DYSF: variants seen among roughly 807,000 people sequenced by gnomAD.
DYSF encodes the protein dystrophy-associated fer-1-like 1.
In DYSF, 212 loss-of-function variants were observed where a neutral mutation model predicts 274.9. The observed-to-expected ratio is 0.77, with a 90% CI of 0.69 to 0.86. The LOEUF (loss-of-function observed/expected upper bound fraction) is 0.86, where lower values mean the gene tolerates loss of function less well. DYSF is among the 40% of genes least tolerant of loss of function. The probability of loss-of-function intolerance (pLI) is 0.00; values close to 1 mark genes in which losing one functional copy is unlikely to be tolerated. For synonymous variants in DYSF, 1,091 were observed against 1,078.7 expected (o/e 1.01, Z -0.22); for missense variants, 2,666 against 2,783.2 (o/e 0.96, Z 0.95).
intron 40 of DYSF, among the ~76,000 whole-genome samples, chr2:71,619,898 G>A (rs754441550): frequency 1.2e-4 from 18 of 152,186 alleles, no homozygotes; most frequent in Non-Finnish European, 2.4e-4. Context: ...TCACAGTACA[G>A]GGAGATTGAT....
At chr2:71,653,917 AAC>A (rs2094718431) in intron 42 of DYSF, among the ~76,000 whole-genome samples, 1 of 152,036 alleles carries the variant, frequency 6.6e-6, no homozygotes, top group African/African-American at 2.4e-5. Flanking sequence ...ATATAACATA[AAC>A]ACAAACATAA....
chr2:71,567,829 A>G, intron 24 of DYSF, 122 bp from the exon 25 acceptor site: 1 of 1,416,300 alleles, frequency 7.1e-7, no homozygotes, highest in Non-Finnish European at 9.6e-7. Context: ...CACAGGGGAC[A>G]CTCCCAGTGA....
At chr2:71,661,187 A>G (rs2094875204) in intron 45 of DYSF, among the ~76,000 whole-genome samples, 1 of 150,884 alleles carries the variant, frequency 6.6e-6, no homozygotes, top group African/African-American at 2.4e-5. Context: ...GCATTTGCTA[A>G]TTCTTTTTTT....
chr2:71,557,808 G>A (rs958038705), intron 22 of DYSF, among the ~76,000 whole-genome samples: 2 of 152,100 alleles, frequency 1.3e-5, no homozygotes, highest in African/African-American at 4.8e-5. Flanking sequence ...CACTTTGGGA[G>A]ACTGAGGCAG....
rs2086604405 is a variant in DYSF, at chr2:71,515,903, G to A, written c.888+152G>A. 19 of 1,245,740 alleles carry A rather than the reference G, an allele frequency of 1.5e-5. 1 individual carries two copies. The South Asian group carries it at 2.8e-4, about 18-fold the overall frequency. The allele number at this position is 1,245,740 out of a possible 1,614,324, so 77.2% of individuals were successfully genotyped here. ...CTGGCTCCCAAGGAGGTTATCTGTG[G>A]GACTGGAGAAAGGGCTCCTGCTCTT... On this transcript the variant is annotated intron_variant, in intron 8 of 55. Coordinates refer to ENST00000410020, the MANE Select transcript of DYSF (RefSeq NM_001130987.2).
chr2:71,614,951 G>T (rs1349803158), intron 40 of DYSF, among the ~76,000 whole-genome samples: 3 of 152,140 alleles, frequency 2.0e-5, no homozygotes, highest in Non-Finnish European at 2.9e-5. Flanking sequence ...GAATTAGGCA[G>T]ATAATTTGCC....
At chr2:71,622,796 G>A (rs1367687882) in intron 41 of DYSF, among the ~76,000 whole-genome samples, 1 of 151,984 alleles carries the variant, frequency 6.6e-6, no homozygotes. Flanking sequence ...TTGTATTTTT[G>A]TAGAGACAGG....
chr2:71,528,578 C>A lies in DYSF; in HGVS notation c.1380+177C>A, dbSNP rs192689020. On this transcript the variant is annotated intron_variant, in intron 14 of 55. Transcript: ENST00000410020. Reference sequence around the variant, plus strand: ...CATAGGCCCAGCTCTCAGGGACTGCCCCGCACACGAATGTGGACAGGTCTG... The same window carrying A: ...CATAGGCCCAGCTCTCAGGGACTGCACCGCACACGAATGTGGACAGGTCTG... Among the ~76,000 whole-genome samples the A allele has an allele frequency of 2.0e-3, 311 of 152,248 alleles. 2 individuals are homozygous for A. Among genetic ancestry groups the A allele is most frequent in the African/African-American group, 6.9e-3 (287 of 41,530 alleles).
intron 1 of DYSF, among the ~76,000 whole-genome samples, chr2:71,460,280 A>T (rs554831927): frequency 1.3e-5 from 2 of 152,170 alleles, no homozygotes; most frequent in Non-Finnish European, 2.9e-5. Flanking sequence ...CCAGAGGGGA[A>T]AGGGGGCCGG....
chr2:71,526,411 T>TGGGG, intron 13 of DYSF, 65 bp downstream of exon 13: 3 of 306,890 alleles, frequency 9.8e-6, no homozygotes, highest in Non-Finnish European at 1.5e-5. Context: ...CTGGTGGGGG[T>TGGGG]GGGCGATGGC....
chr2:71,548,836 T>A (rs770477091), intron 17 of DYSF, among the ~76,000 whole-genome samples: 6 of 152,066 alleles, frequency 3.9e-5, no homozygotes, highest in Non-Finnish European at 7.4e-5. Flanking sequence ...TAGGTGGAGA[T>A]GTTGTGCCTT....
At position 71,615,479 on chromosome 2, in the gene DYSF, T is replaced by C. The variant is rs1041274552; in HGVS notation, c.4464+2069T>C. 2.6e-5 allele frequency among the ~76,000 whole-genome samples: 4 copies of C among 152,174 alleles called. No individual in the cohort carries two copies. Among genetic ancestry groups the C allele is most frequent in the Admixed American group, 6.5e-5 (1 of 15,288 alleles). ...AGACAAAACTCTGTTCTCAAAAGCC[T>C]CAAACCCAGCAGGGAGACCAGTTCT... On this transcript the variant is annotated intron_variant, in intron 40 of 55. Transcript: ENST00000410020. The surrounding 1 kb of genome is among the most constrained non-coding windows in gnomAD (Gnocchi z 4.9).
In DYSF at chr2:71,532,506, A is replaced by G. The variant is rs531653102; in HGVS notation, c.1381-2515A>G. On this transcript the variant is annotated intron_variant, in intron 14 of 55. Coordinates refer to ENST00000410020, the MANE Select transcript of DYSF (RefSeq NM_001130987.2). ...GCTGAGTGCCTGTGGGTGGAACAGGATGGGGGAAGGCTGGCAGGGATCTCT... is the reference window on the plus strand; with the variant it reads ...GCTGAGTGCCTGTGGGTGGAACAGGGTGGGGGAAGGCTGGCAGGGATCTCT... Among the ~76,000 whole-genome samples, 12 of 152,300 alleles carry G rather than the reference A, an allele frequency of 7.9e-5. No individual in the cohort carries two copies. In the South Asian group the frequency reaches 2.1e-3, roughly 26 times the overall value.
At chr2:71,555,393 C>T (rs1474979205) in intron 21 of DYSF, among the ~76,000 whole-genome samples, 1 of 151,972 alleles carries the variant, frequency 6.6e-6, no homozygotes, top group East Asian at 1.9e-4. Flanking sequence ...CCTCTCAGCT[C>T]AGGGCTGAGG....
intron 41 of DYSF, among the ~76,000 whole-genome samples, chr2:71,635,798 G>A (rs2094393931): frequency 6.6e-6 from 1 of 150,880 alleles, no homozygotes; most frequent in Non-Finnish European, 1.5e-5. Context: ...AAGATGAAGG[G>A]CTCTGCCTTC....
In DYSF at chr2:71,488,107, CA is replaced by C. The variant is rs1264095600; in HGVS notation, c.239+6148del. Among the ~76,000 whole-genome samples the C allele has an allele frequency of 3.9e-3, 548 of 142,166 alleles. 4 individuals are homozygous for C. The highest frequency in any genetic ancestry group is 0.012 in the African/African-American group (476 of 38,904). 93.3% of individuals were successfully genotyped at this position (142,166 alleles called of 152,430 possible). A position where few individuals can be genotyped will look rare whatever the true frequency, so the allele number is the denominator to read the frequency against. ...ATATTTGATAAAACTTAATGTCAAC[CA>C]AAAAAAAAAATTAAAAATCTGTGAG... On this transcript the variant is annotated intron_variant, in intron 3 of 55. Transcript: ENST00000410020.
intron 5 of DYSF, among the ~76,000 whole-genome samples, chr2:71,512,974 G>A (rs2086250678): frequency 6.6e-6 from 1 of 152,116 alleles, no homozygotes; most frequent in Admixed American, 6.5e-5. Flanking sequence ...AGAGGGTGGG[G>A]AGCAGGGAGG....
intron 26 of DYSF, among the ~76,000 whole-genome samples, chr2:71,568,720 C>T (rs1417559371): frequency 1.8e-4 from 28 of 152,080 alleles, no homozygotes; most frequent in Admixed American, 1.8e-3. Flanking sequence ...GCCATCATGC[C>T]TGGCTAATTT....
At chr2:71,526,182 G>A in intron 12 of DYSF, 38 bp from the exon 13 acceptor site, 1 of 1,614,180 alleles carries the variant, frequency 6.2e-7, no homozygotes, top group South Asian at 1.1e-5. Context: ...CCTGTGCTCA[G>A]GAGCGCATGA....
Sources: allele counts gnomAD v4.1 joint callset (sites outside exome capture counted in the v4.1 genomes callset), GRCh38; gene constraint gnomAD v4.1.1; non-coding constraint Gnocchi (gnomAD v3.1); transcripts MANE v1.5; gene names NCBI Gene and HGNC (gene_info 2026-07-23, HGNC 2026-07-21).